The following THNSL1 variants were observed in gnomAD, a reference collection of about 807,000 sequenced individuals.
THNSL1 encodes the protein threonine synthase-like 1.
Under a neutral mutation model 50.4 loss-of-function variants are expected in THNSL1, and 48 were observed. The ratio of observed to expected loss-of-function variants is 0.95; its 90% CI spans 0.76 to 1.21. The LOEUF (loss-of-function observed/expected upper bound fraction) is 1.21, where lower values mean the gene tolerates loss of function less well. THNSL1 is among the 50% of genes most tolerant of loss of function. THNSL1 has a pLI of 0.00. For missense variants in THNSL1, 896 were observed against 871.7 expected, an observed-to-expected ratio of 1.03 and a Z score of -0.35; for synonymous variants, 309 against 306.1, an observed-to-expected ratio of 1.01 and a Z score of -0.10.
At chr10:25,013,840 G>A (rs1850505283), upstream of THNSL1, among the ~76,000 whole-genome samples, 1 of 152,080 alleles carries the variant, frequency 6.6e-6, no homozygotes, top group Non-Finnish European at 1.5e-5. Flanking sequence ...TACTCGGGAG[G>A]CTGAGGCAGG....
the THNSL1 span, among the ~76,000 whole-genome samples, chr10:24,972,729 T>A: frequency 6.6e-6 from 1 of 152,084 alleles, no homozygotes; most frequent in African/African-American, 2.4e-5. Flanking sequence ...TGGAGTCCTC[T>A]TGTGTGAAAA....
the THNSL1 span, among the ~76,000 whole-genome samples, chr10:24,991,677 A>G: frequency 6.6e-6 from 1 of 152,148 alleles, no homozygotes; most frequent in South Asian, 2.1e-4. Context: ...CTTCCACTCA[A>G]TAAAACCTTG....
the THNSL1 span, among the ~76,000 whole-genome samples, chr10:24,997,006 G>A: frequency 2.0e-5 from 3 of 152,178 alleles, no homozygotes; most frequent in African/African-American, 7.2e-5. Flanking sequence ...AACACGTAAA[G>A]ATACAGAGAA....
At chr10:24,999,916 C>G in the THNSL1 span, among the ~76,000 whole-genome samples, 9 of 152,088 alleles carry the variant, frequency 5.9e-5, no homozygotes, top group Admixed American at 5.9e-4. Context: ...CTTATAGAAC[C>G]AGAATTTCAT....
the THNSL1 span, chr10:24,999,662 A>G: frequency 1.3e-5 from 12 of 950,214 alleles, no homozygotes; most frequent in Non-Finnish European, 1.9e-5. Context: ...TCGTATGGAA[A>G]AGCATAATCA....
At chr10:25,010,002 T>G in the THNSL1 span, among the ~76,000 whole-genome samples, 2 of 152,148 alleles carry the variant, frequency 1.3e-5, no homozygotes, top group African/African-American at 2.4e-5. Flanking sequence ...AGTGGGATGC[T>G]GCTATAAAGA....
the THNSL1 span, among the ~76,000 whole-genome samples, chr10:24,962,383 T>C: frequency 2.0e-5 from 3 of 152,330 alleles, no homozygotes; most frequent in Non-Finnish European, 2.9e-5. Flanking sequence ...TTAGTCTGAT[T>C]TGATGCCCTT....
At chr10:24,986,316 AGGTT>A in the THNSL1 span, among the ~76,000 whole-genome samples, 2 of 152,132 alleles carry the variant, frequency 1.3e-5, no homozygotes, top group Non-Finnish European at 2.9e-5. Context: ...TGTATAGAAG[AGGTT>A]GGTTGGGGAA....
chr10:25,003,174 A>AC, the THNSL1 span, among the ~76,000 whole-genome samples: 5 of 137,620 alleles, frequency 3.6e-5, no homozygotes, highest in African/African-American at 5.8e-5. Flanking sequence ...TAATTAATTA[A>AC]TTAATTAATT....
the THNSL1 span, among the ~76,000 whole-genome samples, chr10:25,007,496 G>A: frequency 2.6e-5 from 4 of 152,206 alleles, no homozygotes; most frequent in East Asian, 7.7e-4. Flanking sequence ...GTGCAGAGGC[G>A]CCATCTCGGC....
At chr10:24,960,024 A>G in the THNSL1 span, among the ~76,000 whole-genome samples, 2 of 152,196 alleles carry the variant, frequency 1.3e-5, no homozygotes, top group South Asian at 2.1e-4. Flanking sequence ...ACTTATTTCC[A>G]TCTCCCTACC....
the THNSL1 span, among the ~76,000 whole-genome samples, chr10:24,998,023 C>T: frequency 6.6e-6 from 1 of 152,068 alleles, no homozygotes; most frequent in African/African-American, 2.4e-5. Flanking sequence ...TCTGAAGTCA[C>T]GAATTAAGCA....
upstream of THNSL1, among the ~76,000 whole-genome samples, chr10:25,014,659 T>C (rs919272235): frequency 2.0e-5 from 3 of 152,210 alleles, no homozygotes; most frequent in Non-Finnish European, 2.9e-5. Flanking sequence ...TTTTATCTCA[T>C]GTAATATGCA....
chr10:24,995,711 T>C, the THNSL1 span: 1 of 1,614,118 alleles, frequency 6.2e-7, no homozygotes, highest in Non-Finnish European at 8.5e-7. Flanking sequence ...CCAGTTCTTT[T>C]ATCAACATAA....
the THNSL1 span, among the ~76,000 whole-genome samples, chr10:25,006,373 G>C: frequency 1.3e-5 from 2 of 152,114 alleles, no homozygotes; most frequent in African/African-American, 4.8e-5. Flanking sequence ...ATTTGTGGCA[G>C]CACACCGAGA....
Position 25,024,457 on chromosome 10 carries a change from G to A in THNSL1, c.1234G>A (p.Val412Ile), listed in dbSNP as rs745450253. Residue 412 changes from valine to isoleucine, a missense_variant, in exon 3 of 3, where the codon GTA becomes ATA. Coordinates refer to ENST00000376356, the MANE Select transcript of THNSL1 (RefSeq NM_024838.5). Reference sequence around the variant, plus strand: ...GGTTGCATTTTTTCCTGAGAATGGAGTAAGTGATTTTCAAAAAGCACAAAT... The same window carrying A: ...GGTTGCATTTTTTCCTGAGAATGGAATAAGTGATTTTCAAAAAGCACAAAT... ...AVVAFFPENG[V>I]SDFQKAQIIG... 4.3e-6 allele frequency: 7 copies of A among 1,614,176 alleles called. No individual in the cohort carries two copies. Among genetic ancestry groups the A allele is most frequent in the Non-Finnish European group, 5.9e-6 (7 of 1,180,034 alleles).
At chr10:24,984,148 C>T in the THNSL1 span, 2 of 431,140 alleles carry the variant, frequency 4.6e-6, no homozygotes, top group Non-Finnish European at 8.1e-6. Context: ...CTTAATTTTT[C>T]TTCCTCCAAA....
the THNSL1 span, among the ~76,000 whole-genome samples, chr10:25,002,917 T>C: frequency 6.6e-6 from 1 of 150,550 alleles, no homozygotes; most frequent in African/African-American, 2.5e-5. Flanking sequence ...TAATTTCATT[T>C]GGGGTAAAAA....
chr10:24,957,834 C>G, the THNSL1 span, among the ~76,000 whole-genome samples: 1 of 152,192 alleles, frequency 6.6e-6, no homozygotes, highest in Admixed American at 6.5e-5. Flanking sequence ...CATTCTTCCA[C>G]ATGTGGATAT....
Sources: allele counts gnomAD v4.1 joint callset (sites outside exome capture counted in the v4.1 genomes callset), GRCh38; gene constraint gnomAD v4.1.1; transcripts MANE v1.5; gene names NCBI Gene and HGNC (gene_info 2026-07-23, HGNC 2026-07-21).